The following CALR3 variants were observed in gnomAD, a reference collection of about 807,000 sequenced individuals.
CALR3 encodes calreticulin 3.
CALR3 carries 39 observed loss-of-function variants against 48.7 expected under a neutral mutation model. The ratio of observed to expected loss-of-function variants is 0.80; its 90% confidence interval spans 0.62 to 1.05. The LOEUF is 1.05. CALR3 is among the 50% of genes least tolerant of loss of function. The probability of loss-of-function intolerance (pLI) is 0.00; values close to 1 mark genes in which losing one functional copy is unlikely to be tolerated. For synonymous variants in CALR3, 185 were observed against 172.7 expected (o/e 1.07, Z -0.56); for missense variants, 449 against 474.7 (o/e 0.95, Z 0.50).
Position 16,479,206 on chromosome 19 carries a change from C to T in CALR3, c.1080G>A (p.Glu360=), listed in dbSNP as rs752458256. ...TAATTTTTCCCGACAGCAGCTCTTC[C>T]TCCTCTTCCTCGCGGGCCTTCTTCA... is the stretch of plus-strand genomic sequence containing the variant. ...EEMKKAREEE[E]EELLSGKINR... is the part of the protein sequence containing the mutation. Residue 360 remains glutamate (E), a synonymous_variant, in exon 9 of 9, where the codon GAG becomes GAA. Transcript: ENST00000269881. 5.6e-6 allele frequency: 9 copies of T among 1,613,972 alleles called. No individual in the cohort carries two copies. Among genetic ancestry groups the T allele is most frequent in the Non-Finnish European group, 7.6e-6 (9 of 1,180,014 alleles).
At chr19:16,490,277 A>T in intron 3 of CALR3, 90 bp downstream of exon 3, 1 of 1,154,372 alleles carries the variant, frequency 8.7e-7, no homozygotes, top group Non-Finnish European at 1.3e-6. Context: ...TACCTTCACT[A>T]CATTAGCAAA....
intron 3 of CALR3, among the ~76,000 whole-genome samples, chr19:16,486,798 C>T (rs2093389837): frequency 6.6e-6 from 1 of 152,064 alleles, no homozygotes; most frequent in Non-Finnish European, 1.5e-5. Flanking sequence ...AACCCCTCAC[C>T]CTCAGCAAGC....
At chr19:16,493,222 T>A (rs188632970) in intron 2 of CALR3, among the ~76,000 whole-genome samples, 1 of 152,228 alleles carries the variant, frequency 6.6e-6, no homozygotes, top group Admixed American at 6.5e-5. Flanking sequence ...AGTTACAGAT[T>A]AACTGCCTCC....
At chr19:16,482,200 G>A (rs191313902) in intron 7 of CALR3, among the ~76,000 whole-genome samples, 9 of 151,692 alleles carry the variant, frequency 5.9e-5, no homozygotes, top group Admixed American at 2.6e-4. Context: ...GAGCCACCGC[G>A]CACAGCCTAG....
intron 2 of CALR3, among the ~76,000 whole-genome samples, chr19:16,494,421 G>A (rs1424771296): frequency 6.6e-6 from 1 of 151,172 alleles, no homozygotes; most frequent in Non-Finnish European, 1.5e-5. Flanking sequence ...GAGTGCAGGG[G>A]CATGATCTCT....
intron 5 of CALR3, 46 bp from the exon 6 acceptor site, chr19:16,482,831 A>T: frequency 6.5e-7 from 1 of 1,532,984 alleles, no homozygotes; most frequent in Non-Finnish European, 8.9e-7. Flanking sequence ...AGATGCTCAT[A>T]TATTTGTTGT....
chr19:16,485,485 A>C (rs890746083), intron 3 of CALR3, among the ~76,000 whole-genome samples: 140 of 151,990 alleles, frequency 9.2e-4, no homozygotes, highest in Non-Finnish European at 6.6e-4. Context: ...ATGCCCAGCT[A>C]ATTTTTGTAT....
chr19:16,484,077 T>C lies in CALR3; in HGVS notation c.531A>G (p.Arg177=), dbSNP rs1599718264. 6.2e-7 allele frequency: 1 copy of C among 1,614,078 alleles called. No individual in the cohort carries two copies. The highest frequency in any genetic ancestry group is 1.3e-5 in the African/African-American group (1 of 75,012). Residue 177 remains arginine, a synonymous_variant, in exon 5 of 9, where the codon AGA becomes AGG. Coordinates refer to ENST00000269881, the MANE Select transcript of CALR3 (RefSeq NM_145046.5). ...TTTTCACATCATAAGAAAGATCTGG[T>C]CTTAAAATTAGAGTGTACAGGTGTG... is the stretch of plus-strand genomic sequence containing the variant. ...GFTHLYTLIL[R]PDLSYDVKID...
chr19:16,487,330 A>G (rs1054129441), intron 3 of CALR3, among the ~76,000 whole-genome samples: 1 of 152,152 alleles, frequency 6.6e-6, no homozygotes, highest in East Asian at 1.9e-4. Flanking sequence ...ATACAAAAAA[A>G]TTAGCTGGGC....
chr19:16,493,469 AT>A (rs1568488090), intron 2 of CALR3, among the ~76,000 whole-genome samples: 1 of 151,550 alleles, frequency 6.6e-6, no homozygotes, highest in East Asian at 1.9e-4. Flanking sequence ...ACTGACTTCT[AT>A]TCTTTGGGAT....
chr19:16,483,489 A>G (rs2093384110), intron 5 of CALR3, among the ~76,000 whole-genome samples: 1 of 152,252 alleles, frequency 6.6e-6, no homozygotes, highest in African/African-American at 2.4e-5. Flanking sequence ...AGGCCAAGGC[A>G]GGCAAATCAC....
chr19:16,479,460 C>A (rs535774548), intron 8 of CALR3, among the ~76,000 whole-genome samples, 186 bp from the exon 9 acceptor site: 4 of 147,484 alleles, frequency 2.7e-5, no homozygotes, highest in African/African-American at 9.9e-5. Flanking sequence ...TGGTGGTGGG[C>A]GCCTGTAGTC....
chr19:16,483,951 C>G lies in CALR3; in HGVS notation c.657G>C (p.Gln219His). The change falls in exon 5 of 9, where the codon CAG (glutamine) becomes CAC (histidine). Residue 219 changes from glutamine (Q) to histidine (H), a missense_variant. Gln to His is a conservative substitution (Grantham distance 24). Transcript: ENST00000269881. Reference sequence around the variant, plus strand: ...ACACCTGGGCTTTGTTGTCTTTAGTCTGTTCCCAATCCTTCGATTCTGCCG... The same window carrying G: ...ACACCTGGGCTTTGTTGTCTTTAGTGTGTTCCCAATCCTTCGATTCTGCCG... ...TSPAESKDWE[Q>H]TKDNKAQDWE... 1 of 1,614,036 alleles carries G rather than the reference C, an allele frequency of 6.2e-7. No homozygotes were observed. The highest frequency in any genetic ancestry group is 8.5e-7 in the Non-Finnish European group (1 of 1,180,012).
rs536607608 is a variant in CALR3 at position 16,494,724 on chromosome 19, G to C, written c.193+1027C>G. 1.2e-4 allele frequency among the ~76,000 whole-genome samples: 19 copies of C among 152,264 alleles called. No homozygotes were observed. The East Asian group carries it at 3.7e-3, about 29-fold the overall frequency. ...GTACCCACTAACCTTTTCCTTCTGA[G>C]GGGCATGGCCCTTGATCCTCAAATG... On this transcript the variant is annotated intron_variant, in intron 2 of 8. Coordinates refer to ENST00000269881, the MANE Select transcript of CALR3 (RefSeq NM_145046.5).
At chr19:16,485,738 C>T (rs1013525439) in intron 3 of CALR3, among the ~76,000 whole-genome samples, 1 of 152,136 alleles carries the variant, frequency 6.6e-6, no homozygotes, top group Non-Finnish European at 1.5e-5. Context: ...ACTGCAGTCT[C>T]CGCCTCCCGG....
intron 2 of CALR3, among the ~76,000 whole-genome samples, chr19:16,495,045 G>C (rs900002333): frequency 2.0e-5 from 3 of 151,886 alleles, no homozygotes; most frequent in African/African-American, 7.3e-5. Flanking sequence ...GTCCAGCCTG[G>C]GCAATGTGGT....
Position 16,487,440 on chromosome 19 carries a change from G to T in CALR3, c.398-2183C>A, listed in dbSNP as rs6512112. Reference sequence around the variant, plus strand: ...GGTTGCAGTGAGCCGGGATCGTGCCGTTGCACTCCAGCCTGGGCGACGAGC... The same window carrying T: ...GGTTGCAGTGAGCCGGGATCGTGCCTTTGCACTCCAGCCTGGGCGACGAGC... On this transcript the variant is annotated intron_variant, in intron 3 of 8. Coordinates refer to ENST00000269881, the MANE Select transcript of CALR3 (RefSeq NM_145046.5). Among the ~76,000 whole-genome samples, 5 of 144,914 alleles carry T rather than the reference G, an allele frequency of 3.5e-5. No homozygotes were observed. In the South Asian group the frequency reaches 1.1e-3, roughly 32 times the overall value.
intron 3 of CALR3, among the ~76,000 whole-genome samples, chr19:16,487,280 A>C (rs978321799): frequency 4.5e-4 from 69 of 152,132 alleles, no homozygotes; most frequent in African/African-American, 1.6e-3. Context: ...GTAGGTCGAG[A>C]CCAGCCTGTC....
At chr19:16,482,852 G>C in intron 5 of CALR3, 67 bp from the exon 6 acceptor site, 1 of 1,465,726 alleles carries the variant, frequency 6.8e-7, no homozygotes, top group Non-Finnish European at 9.3e-7. Flanking sequence ...TGTTGCTTCT[G>C]TTTTTGTTTC....
Sources: allele counts gnomAD v4.1 joint callset (sites outside exome capture counted in the v4.1 genomes callset), GRCh38; gene constraint gnomAD v4.1.1; transcripts MANE v1.5; gene names NCBI Gene and HGNC (gene_info 2026-07-23, HGNC 2026-07-21).